Variants in FARS2 observed in about 807,000 individuals in gnomAD.
The protein encoded by FARS2 is phenylalanyl-tRNA synthetase 2, mitochondrial.
FARS2 carries 40 observed loss-of-function variants against 46.4 expected under a neutral mutation model. The ratio of observed to expected loss-of-function variants is 0.86; its 90% CI spans 0.67 to 1.12. The LOEUF is 1.12. Ranked by LOEUF, FARS2 falls within the 50% of genes most tolerant of loss-of-function variation. The probability of loss-of-function intolerance (pLI) is 0.00; values close to 1 mark genes in which losing one functional copy is unlikely to be tolerated. For synonymous variants in FARS2, 234 were observed against 214.9 expected (o/e 1.09, Z -0.78); for missense variants, 513 against 567.9 (o/e 0.90, Z 0.98).
chr6:5,651,086 C>G (rs1025188607), intron 6 of FARS2, among the ~76,000 whole-genome samples: 1 of 152,142 alleles, frequency 6.6e-6, no homozygotes, highest in Non-Finnish European at 1.5e-5. Flanking sequence ...TTTTCCCTCT[C>G]AGGTATAAAG....
intron 1 of FARS2, among the ~76,000 whole-genome samples, chr6:5,314,943 A>G (rs1769342118): frequency 6.6e-6 from 1 of 152,246 alleles, no homozygotes; most frequent in African/African-American, 2.4e-5. Context: ...CCTCTGTAAC[A>G]AAAGTTCAGT....
chr6:5,605,099 C>G (rs1187087467), intron 5 of FARS2, among the ~76,000 whole-genome samples: 1 of 152,172 alleles, frequency 6.6e-6, no homozygotes, highest in Non-Finnish European at 1.5e-5. Flanking sequence ...AAACACACAG[C>G]AGTGACAGAT....
chr6:5,324,099 G>A (rs1265719565), intron 1 of FARS2, among the ~76,000 whole-genome samples: 2 of 152,212 alleles, frequency 1.3e-5, no homozygotes, highest in African/African-American at 4.8e-5. Flanking sequence ...GTCTGTAAGA[G>A]AAAGCGCTCC....
intron 6 of FARS2, among the ~76,000 whole-genome samples, chr6:5,653,576 G>A (rs1451534691): frequency 6.6e-6 from 1 of 152,236 alleles, no homozygotes; most frequent in Non-Finnish European, 1.5e-5. Flanking sequence ...CGAGACTGGT[G>A]TATGAGAGGA....
intron 2 of FARS2, among the ~76,000 whole-genome samples, chr6:5,373,808 C>G (rs938963601): frequency 1.3e-5 from 2 of 151,936 alleles, no homozygotes; most frequent in East Asian, 3.9e-4. Flanking sequence ...GGATAAAGGA[C>G]CCAATTTCTT....
At chr6:5,344,159 A>G (rs1581836063) in intron 1 of FARS2, among the ~76,000 whole-genome samples, 3 of 152,246 alleles carry the variant, frequency 2.0e-5, no homozygotes, top group East Asian at 3.9e-4. Flanking sequence ...TCTAAGTCAG[A>G]AGCTGTGATT....
chr6:5,592,080 GC>G (rs1314189799), intron 5 of FARS2, among the ~76,000 whole-genome samples: 1 of 152,120 alleles, frequency 6.6e-6, no homozygotes, highest in Non-Finnish European at 1.5e-5. Flanking sequence ...GGCTGCTCTA[GC>G]CTTTTAAAAT....
chr6:5,644,325 A>G (rs1776968049), intron 6 of FARS2, among the ~76,000 whole-genome samples: 1 of 151,638 alleles, frequency 6.6e-6, no homozygotes, highest in South Asian at 2.1e-4. Context: ...TCATCCTCCC[A>G]TGTCAGCCTC....
rs1451070561 is a variant in FARS2 at position 5,545,169 on chromosome 6, C to T, written c.905-11C>T. The T allele has an allele frequency of 1.2e-6, 2 of 1,613,450 alleles. No homozygotes were observed. Among genetic ancestry groups the T allele is most frequent in the Non-Finnish European group, 8.5e-7 (1 of 1,179,564 alleles). ...CTTTTTAAAAACAACTATTTTGTTT[C>T]CTAATCACAGCTGGTGCTCAAGACC... is the stretch of plus-strand genomic sequence containing the variant. On this transcript the variant is annotated splice_polypyrimidine_tract_variant and intron_variant, in intron 4 of 6. Transcript: ENST00000274680.
At chr6:5,453,495 A>G (rs772171643) in intron 4 of FARS2, among the ~76,000 whole-genome samples, 16 of 152,208 alleles carry the variant, frequency 1.1e-4, no homozygotes, top group Admixed American at 5.2e-4. Flanking sequence ...CCCCTCATCT[A>G]TGAGGCGGAA....
intron 1 of FARS2, among the ~76,000 whole-genome samples, chr6:5,264,599 G>C (rs551924955): frequency 2.6e-5 from 4 of 151,464 alleles, no homozygotes; most frequent in African/African-American, 9.7e-5. Flanking sequence ...TAGAGATGGA[G>C]TTTCACCATG....
intron 2 of FARS2, among the ~76,000 whole-genome samples, chr6:5,400,564 C>T (rs977755065): frequency 1.3e-5 from 2 of 151,570 alleles, no homozygotes; most frequent in Non-Finnish European, 2.9e-5. Context: ...TGTTAATATT[C>T]TCTGGGCCCT....
At chr6:5,315,321 C>G (rs1769387546) in intron 1 of FARS2, among the ~76,000 whole-genome samples, 1 of 151,926 alleles carries the variant, frequency 6.6e-6, no homozygotes, top group South Asian at 2.1e-4. Flanking sequence ...TAGCCTTTCC[C>G]CATTAACGTG....
intron 3 of FARS2, among the ~76,000 whole-genome samples, chr6:5,408,170 G>A (rs980011830): frequency 2.0e-5 from 3 of 152,216 alleles, no homozygotes; most frequent in Non-Finnish European, 4.4e-5. Flanking sequence ...GAGCCATGGA[G>A]CCTTGGATCT....
At chr6:5,642,727 C>T (rs1222222508) in intron 6 of FARS2, among the ~76,000 whole-genome samples, 1 of 152,200 alleles carries the variant, frequency 6.6e-6, no homozygotes, top group Non-Finnish European at 1.5e-5. Context: ...ATGTATACAG[C>T]TGTAAACAAC....
At chr6:5,378,095 C>T (rs762962138) in intron 2 of FARS2, among the ~76,000 whole-genome samples, 1 of 152,144 alleles carries the variant, frequency 6.6e-6, no homozygotes, top group African/African-American at 2.4e-5. Context: ...TAATTTTGAC[C>T]ACAACCCATT....
intron 4 of FARS2, among the ~76,000 whole-genome samples, chr6:5,524,687 A>T (rs1444592916): frequency 6.6e-6 from 1 of 152,200 alleles, no homozygotes. Flanking sequence ...ACTGCCAATT[A>T]TTCTTGCTTT....
intron 1 of FARS2, among the ~76,000 whole-genome samples, chr6:5,367,893 A>G (rs573069783): frequency 1.3e-5 from 2 of 152,308 alleles, no homozygotes; most frequent in East Asian, 1.9e-4. Flanking sequence ...GAGATTTTCT[A>G]TTTTATCTTT....
intron 6 of FARS2, among the ~76,000 whole-genome samples, chr6:5,700,642 C>T (rs1758372108): frequency 2.0e-5 from 3 of 152,118 alleles, no homozygotes; most frequent in Non-Finnish European, 4.4e-5. Flanking sequence ...GTGATGCACC[C>T]GCCTCGGCCT....
Sources: allele counts gnomAD v4.1 joint callset (sites outside exome capture counted in the v4.1 genomes callset), GRCh38; gene constraint gnomAD v4.1.1; transcripts MANE v1.5; gene names NCBI Gene and HGNC (gene_info 2026-07-23, HGNC 2026-07-21).